The following JAK2 variants were observed in gnomAD, a reference collection of about 807,000 sequenced individuals.
The protein encoded by JAK2 is tyrosine-protein kinase JAK2.
A neutral mutation model predicts 139.3 loss-of-function variants in JAK2; 86 were observed. The ratio of observed to expected loss-of-function variants is 0.62; its 90% CI spans 0.52 to 0.74. The LOEUF (loss-of-function observed/expected upper bound fraction) is 0.74. JAK2 is among the 30% of genes least tolerant of loss of function. JAK2 has a pLI of 0.00. For missense variants in JAK2, 1,421 were observed against 1,360.3 expected, an observed-to-expected ratio of 1.04 and a Z score of -0.70; for synonymous variants, 490 against 437.7, an observed-to-expected ratio of 1.12 and a Z score of -1.49.
chr9:5,075,369 T>A (rs1385956841), intron 14 of JAK2, among the ~76,000 whole-genome samples: 7 of 152,160 alleles, frequency 4.6e-5, no homozygotes, highest in Admixed American at 4.6e-4. Context: ...AGAGGAGAAG[T>A]CAGTGCTTGC....
chr9:5,125,496 T>G (rs997167962), intron 23 of JAK2, among the ~76,000 whole-genome samples: 1 of 151,486 alleles, frequency 6.6e-6, no homozygotes, highest in Non-Finnish European at 1.5e-5. Flanking sequence ...GCATAAATAT[T>G]TATATTTATC....
intron 2 of JAK2, among the ~76,000 whole-genome samples, chr9:4,992,162 A>T (rs2129728203): frequency 6.6e-6 from 1 of 152,294 alleles, no homozygotes; most frequent in South Asian, 2.1e-4. Flanking sequence ...GTCTTCACTC[A>T]CATGATGGGT....
At chr9:5,080,486 T>G (rs1214408283) in intron 17 of JAK2, 47 bp from the exon 18 acceptor site, 1 of 1,547,760 alleles carries the variant, frequency 6.5e-7, no homozygotes, top group South Asian at 1.2e-5. Flanking sequence ...AGAAGGTTGG[T>G]GTGGCATTAC....
Position 5,073,730 on chromosome 9 carries a change from G to T in JAK2, c.1809G>T (p.Lys603Asn). ...TTGAAGCAGCAAGTATGATGAGCAA[G>T]CTTTCTCACAAGCATTTGGTTTTAA... is the stretch of plus-strand genomic sequence containing the variant. ...SFFEAASMMS[K>N]LSHKHLVLNY... The change falls in exon 14 of 25, where the codon AAG becomes AAT. Residue 603 changes from lysine to asparagine, a missense_variant. Lys to Asn is a moderately conservative substitution (Grantham distance 94, BLOSUM62 0). Coordinates refer to ENST00000381652, the MANE Select transcript of JAK2 (RefSeq NM_004972.4). The T allele has an allele frequency of 6.2e-7, 1 of 1,612,318 alleles. No individual in the cohort carries two copies. The highest frequency in any genetic ancestry group is 1.1e-5 in the South Asian group (1 of 91,030).
At chr9:5,044,316 T>G (rs773482602) in intron 4 of JAK2, 87 bp from the exon 5 acceptor site, 12 of 793,318 alleles carry the variant, frequency 1.5e-5, no homozygotes, top group Admixed American at 4.2e-5. Flanking sequence ...ATAATACCTT[T>G]CAGTATGCTG....
At chr9:5,112,133 TG>T in intron 22 of JAK2, 1 of 311,252 alleles carries the variant, frequency 3.2e-6, no homozygotes, top group South Asian at 2.6e-5. Context: ...AGCCACGCCA[TG>T]GGCACGGCTA....
intron 13 of JAK2, 115 bp downstream of exon 13, chr9:5,072,741 C>G (rs961074032): frequency 5.7e-6 from 4 of 698,038 alleles, no homozygotes; most frequent in Non-Finnish European, 8.4e-6. Context: ...TTAAATGTGT[C>G]AAGGACTTTT....
At chr9:5,085,075 C>G in intron 19 of JAK2, 5 of 682,162 alleles carry the variant, frequency 7.3e-6, no homozygotes, top group Non-Finnish European at 1.4e-5. Context: ...ACTGCTCTCT[C>G]TTATTGCTTC....
At chr9:5,080,844 T>C (rs1003807721) in intron 18 of JAK2, among the ~76,000 whole-genome samples, 161 bp downstream of exon 18, 2 of 151,588 alleles carry the variant, frequency 1.3e-5, no homozygotes, top group African/African-American at 4.8e-5. Context: ...ATACATATTC[T>C]AATCTCCTTG....
chr9:5,122,881 G>C, intron 22 of JAK2, 123 bp from the exon 23 acceptor site: 1 of 590,910 alleles, frequency 1.7e-6, no homozygotes, highest in South Asian at 2.9e-5. Context: ...GAAGCCTCAG[G>C]CCTGCTGTGA....
intron 14 of JAK2, among the ~76,000 whole-genome samples, chr9:5,074,349 T>G (rs1819171034): frequency 6.6e-6 from 1 of 152,196 alleles, no homozygotes; most frequent in African/African-American, 2.4e-5. Context: ...TTTTACATAT[T>G]GAAGGTTTAC....
At chr9:5,033,960 G>T (rs1222452136) in intron 4 of JAK2, among the ~76,000 whole-genome samples, 1 of 152,134 alleles carries the variant, frequency 6.6e-6, no homozygotes, top group Non-Finnish European at 1.5e-5. Flanking sequence ...TGGATAAAGA[G>T]TCAAGACCCA....
Position 5,069,002 on chromosome 9 carries a change from T to A in JAK2, c.1327-20T>A. The A allele has an allele frequency of 7.0e-7, 1 of 1,435,880 alleles. No homozygotes were observed. The highest frequency in any genetic ancestry group is 9.6e-7 in the Non-Finnish European group (1 of 1,046,214). The allele number at this position is 1,435,880 out of a possible 1,614,324, so 88.9% of individuals were successfully genotyped here. ...CCATTGTGACTATCCCTCCCTTTCT[T>A]TATAATTAAACTTATACAGCGAGAA... On this transcript the variant is annotated intron_variant, in intron 10 of 24. Coordinates refer to ENST00000381652, the MANE Select transcript of JAK2 (RefSeq NM_004972.4).
chr9:5,040,750 G>C (rs1036708113), intron 4 of JAK2, among the ~76,000 whole-genome samples: 1 of 152,248 alleles, frequency 6.6e-6, no homozygotes, highest in South Asian at 2.1e-4. Flanking sequence ...GTCCGGGACC[G>C]TGGTGTGCCA....
intron 14 of JAK2, among the ~76,000 whole-genome samples, chr9:5,074,210 A>AT (rs1182793356): frequency 8.5e-5 from 13 of 152,126 alleles, no homozygotes; most frequent in Admixed American, 7.9e-4. Context: ...TACTAGATAT[A>AT]TTTTTTGGCT....
At chr9:4,996,148 T>G (rs187830760) in intron 2 of JAK2, among the ~76,000 whole-genome samples, 235 of 152,326 alleles carry the variant, frequency 1.5e-3, no homozygotes, top group African/African-American at 5.5e-3. Flanking sequence ...TACAGGGAAG[T>G]CTGGATTTTA....
At chr9:5,053,978 T>A (rs1469908858) in intron 6 of JAK2, among the ~76,000 whole-genome samples, 1 of 152,110 alleles carries the variant, frequency 6.6e-6, no homozygotes, top group African/African-American at 2.4e-5. Context: ...TTACCTTCTT[T>A]AGAATATTGT....
chr9:5,042,200 C>T (rs1187953090), intron 4 of JAK2, among the ~76,000 whole-genome samples: 2 of 148,556 alleles, frequency 1.3e-5, no homozygotes, highest in Non-Finnish European at 3.0e-5. Context: ...TGCAGTGGCG[C>T]AATCTCGGCT....
intron 2 of JAK2, among the ~76,000 whole-genome samples, chr9:5,016,936 A>G (rs888288817): frequency 3.9e-5 from 6 of 152,234 alleles, no homozygotes; most frequent in African/African-American, 1.4e-4. Flanking sequence ...ATTTCCTAGA[A>G]TAGAAAAAAG....
Sources: allele counts gnomAD v4.1 joint callset (sites outside exome capture counted in the v4.1 genomes callset), GRCh38; gene constraint gnomAD v4.1.1; transcripts MANE v1.5; gene names NCBI Gene and HGNC (gene_info 2026-07-23, HGNC 2026-07-21).